Variants in SGMS1 observed in about 807,000 individuals in gnomAD.
SGMS1 encodes the protein sphingomyelin synthase 1, also known as phosphatidylcholine:ceramide cholinephosphotransferase 1.
A neutral mutation model predicts 46.2 loss-of-function variants in SGMS1; 13 were observed. The observed-to-expected ratio is 0.28, with a 90% CI of 0.18 to 0.45. The LOEUF (loss-of-function observed/expected upper bound fraction) is 0.45. Among genes scored for constraint, SGMS1 ranks in the 20% least tolerant of loss-of-function variants. The probability of loss-of-function intolerance (pLI) is 1.00; values close to 1 mark genes in which losing one functional copy is unlikely to be tolerated. For missense variants in SGMS1, 324 were observed against 519.9 expected, an observed-to-expected ratio of 0.62 and a Z score of 3.66; for synonymous variants, 203 against 187.8, an observed-to-expected ratio of 1.08 and a Z score of -0.66.
chr10:50,510,943 T>C (rs1277442334), intron 3 of SGMS1, among the ~76,000 whole-genome samples: 4 of 152,236 alleles, frequency 2.6e-5, no homozygotes, highest in Admixed American at 2.0e-4. Context: ...ACATTATGTA[T>C]TGAAAAGACC....
chr10:50,407,784 T>C lies in SGMS1; in HGVS notation c.-232+25692A>G, dbSNP rs567090224. Among the ~76,000 whole-genome samples the C allele has an allele frequency of 2.6e-5, 4 of 152,322 alleles. No individual in the cohort carries two copies. In the Middle Eastern group the frequency reaches 0.01, roughly 389 times the overall value. On this transcript the variant is annotated intron_variant, in intron 6 of 10. Transcript: ENST00000361781. ...AGTTTAAACCTGAGGAAAACTAAAA[T>C]AATATACCTTTGTTTGGCCTAAAAG...
rs1489885889 is a variant in SGMS1 at position 50,349,334 on chromosome 10, T to A, written c.-231-4989A>T. Among the ~76,000 whole-genome samples the A allele has an allele frequency of 2.6e-5, 4 of 152,210 alleles. No individual in the cohort carries two copies. The East Asian group carries it at 5.8e-4, about 22-fold the overall frequency. On this transcript the variant is annotated intron_variant, in intron 6 of 10. Coordinates refer to ENST00000361781, the MANE Select transcript of SGMS1 (RefSeq NM_147156.4). The stretch of plus-strand genomic sequence containing the variant: ...CATAATCCTTTTCTCCTCCCTGAAT[T>A]CCTAAACCATGAATACCTGTGGTAC...
intron 6 of SGMS1, among the ~76,000 whole-genome samples, chr10:50,378,680 C>A (rs942097689): frequency 6.6e-6 from 1 of 152,140 alleles, no homozygotes; most frequent in African/African-American, 2.4e-5. Flanking sequence ...ACAGAATAGG[C>A]TTTGAAAAAA....
intron 6 of SGMS1, among the ~76,000 whole-genome samples, chr10:50,379,503 A>G (rs536661047): frequency 4.6e-5 from 7 of 152,262 alleles, no homozygotes; most frequent in African/African-American, 1.7e-4. Context: ...ATATACATAC[A>G]GAGGCTACGG....
At chr10:50,497,748 C>T (rs1264107855) in intron 3 of SGMS1, among the ~76,000 whole-genome samples, 5 of 151,830 alleles carry the variant, frequency 3.3e-5, no homozygotes, top group Admixed American at 2.0e-4. Context: ...GAGCCAAGAT[C>T]GCACCATTGC....
In SGMS1 at chr10:50,559,952, T is replaced by C. The variant is rs149399756; in HGVS notation, c.-589+30201A>G. ...AATAGAAGAAAGGAAATAAAGCAAG[T>C]ATAAGTAGCTCAGAGAGAATGTGGT... On this transcript the variant is annotated intron_variant, in intron 2 of 10. Transcript: ENST00000361781. Among the ~76,000 whole-genome samples the C allele has an allele frequency of 7.0e-4, 107 of 151,864 alleles. 1 individual carries two copies. The East Asian group carries it at 0.019, about 27-fold the overall frequency.
At chr10:50,592,193 A>C (rs1007971626) in intron 1 of SGMS1, among the ~76,000 whole-genome samples, 1 of 152,252 alleles carries the variant, frequency 6.6e-6, no homozygotes, top group Admixed American at 6.5e-5. Flanking sequence ...AACAAAGCTA[A>C]AGAAAAATAA....
At position 50,380,535 on chromosome 10, in the gene SGMS1, C is replaced by T. The variant is rs78179059; in HGVS notation, c.-231-36190G>A. On this transcript the variant is annotated intron_variant, in intron 6 of 10. Transcript: ENST00000361781. Reference sequence around the variant, plus strand: ...AGAGACGTGGGCTTTCTCAGTTCCCCCAGGTCCTCAAGTTCCTCCTCAGCC... The same window carrying T: ...AGAGACGTGGGCTTTCTCAGTTCCCTCAGGTCCTCAAGTTCCTCCTCAGCC... Among the ~76,000 whole-genome samples the T allele has an allele frequency of 9.1e-3, 1,385 of 152,144 alleles. 23 individuals carry two copies. Among genetic ancestry groups the T allele is most frequent in the African/African-American group, 0.032 (1,312 of 41,498 alleles).
chr10:50,338,547 AC>A (rs113095342), intron 7 of SGMS1, among the ~76,000 whole-genome samples: 41,602 of 151,936 alleles, frequency 0.27, 6,001 homozygotes, highest in Middle Eastern at 0.37. Context: ...ATTCACAGAG[AC>A]CCCCAAAAAC....
chr10:50,490,619 A>G (rs886642054), intron 3 of SGMS1, among the ~76,000 whole-genome samples: 5 of 152,204 alleles, frequency 3.3e-5, no homozygotes, highest in Non-Finnish European at 7.3e-5. Flanking sequence ...TAAAATGGAA[A>G]CAGTATTATC....
rs570518313 is a variant in SGMS1 at position 50,567,896 on chromosome 10, C to G, written c.-589+22257G>C. ...TTCCAGAAATATTAAATTTCTAAAC[C>G]ACTGTATTTCTTATTTCATCACTGT... On this transcript the variant is annotated intron_variant, in intron 2 of 10. Coordinates refer to ENST00000361781, the MANE Select transcript of SGMS1 (RefSeq NM_147156.4). 3.3e-5 allele frequency among the ~76,000 whole-genome samples: 5 copies of G among 152,180 alleles called. No individual in the cohort carries two copies. In the East Asian group the frequency reaches 9.7e-4, roughly 29 times the overall value.
intron 6 of SGMS1, among the ~76,000 whole-genome samples, chr10:50,419,834 T>C (rs1475356108): frequency 6.6e-6 from 1 of 152,212 alleles, no homozygotes; most frequent in Non-Finnish European, 1.5e-5. Context: ...CATACATGTT[T>C]AGAGTCATTC....
chr10:50,608,748 A>G (rs540554189), intron 1 of SGMS1, among the ~76,000 whole-genome samples: 69 of 152,296 alleles, frequency 4.5e-4, no homozygotes, highest in African/African-American at 1.5e-3. Flanking sequence ...CCTGTGAAGG[A>G]GACATTCTTT....
intron 1 of SGMS1, among the ~76,000 whole-genome samples, chr10:50,609,521 GTTTT>G (rs370846975): frequency 2.6e-5 from 3 of 117,046 alleles, no homozygotes; most frequent in Non-Finnish European, 3.4e-5. Context: ...CTTCTCAATA[GTTTT>G]TTTTTTTTTT....
chr10:50,582,683 T>C (rs772324920), intron 2 of SGMS1, among the ~76,000 whole-genome samples: 23 of 152,198 alleles, frequency 1.5e-4, no homozygotes, highest in Non-Finnish European at 2.4e-4. Context: ...CCCTTAAATG[T>C]TTCTGGGGGC....
intron 1 of SGMS1, among the ~76,000 whole-genome samples, chr10:50,597,156 T>C (rs970040359): frequency 6.6e-6 from 1 of 152,164 alleles, no homozygotes; most frequent in Admixed American, 6.5e-5. Flanking sequence ...GTTATGATAA[T>C]GACAATGAGC....
intron 8 of SGMS1, among the ~76,000 whole-genome samples, chr10:50,313,674 A>G (rs1409935803): frequency 6.6e-6 from 1 of 152,218 alleles, no homozygotes; most frequent in East Asian, 1.9e-4. Context: ...TTATTTCATA[A>G]TGCTTTTCTA....
At chr10:50,364,409 GAAGA>G (rs1848302100) in intron 6 of SGMS1, among the ~76,000 whole-genome samples, 1 of 152,120 alleles carries the variant, frequency 6.6e-6, no homozygotes, top group Non-Finnish European at 1.5e-5. Flanking sequence ...AGAAGATCTT[GAAGA>G]ATGCTCCAGC....
chr10:50,539,714 T>A (rs1466678300), intron 2 of SGMS1, among the ~76,000 whole-genome samples: 1 of 152,240 alleles, frequency 6.6e-6, no homozygotes, highest in Non-Finnish European at 1.5e-5. Flanking sequence ...CACAGAATGA[T>A]AGTAAACTGA....
Sources: allele counts gnomAD v4.1 joint callset (sites outside exome capture counted in the v4.1 genomes callset), GRCh38; gene constraint gnomAD v4.1.1; transcripts MANE v1.5; gene names NCBI Gene and HGNC (gene_info 2026-07-23, HGNC 2026-07-21).